Variants in ABI2 observed in about 807,000 individuals in gnomAD.
ABI2 encodes abl interactor 2, also known as abelson interactor 2.
Under a neutral mutation model 59.2 loss-of-function variants are expected in ABI2, and 25 were observed. The ratio of observed to expected loss-of-function variants is 0.42; its 90% CI spans 0.31 to 0.59. The LOEUF is 0.59. Among genes scored for constraint, ABI2 ranks in the 20% least tolerant of loss-of-function variants. ABI2 has a pLI of 0.14. For synonymous variants in ABI2, 213 were observed against 235.5 expected (o/e 0.90, Z 0.87); for missense variants, 545 against 681.8 (o/e 0.80, Z 2.23).
chr2:203,372,219 A>C (rs1452635851), intron 2 of ABI2, among the ~76,000 whole-genome samples: 1 of 152,268 alleles, frequency 6.6e-6, no homozygotes, highest in East Asian at 1.9e-4. Context: ...GACACAGCAC[A>C]TGTTTCAGAG....
At chr2:203,404,796 T>G (rs1241912761) in intron 9 of ABI2, among the ~76,000 whole-genome samples, 1 of 152,162 alleles carries the variant, frequency 6.6e-6, no homozygotes. Flanking sequence ...TGACCTCAAG[T>G]CATCCACTTG....
chr2:203,415,616 C>CAAAA (rs71007515), intron 10 of ABI2, among the ~76,000 whole-genome samples: 746 of 42,302 alleles, frequency 0.018, 33 homozygotes, highest in African/African-American at 0.036. Context: ...GACTCCGTCT[C>CAAAA]AAAAAAAAAA....
At chr2:203,336,196 T>C (rs1420135666) in intron 1 of ABI2, among the ~76,000 whole-genome samples, 2 of 152,230 alleles carry the variant, frequency 1.3e-5, no homozygotes, top group African/African-American at 4.8e-5. Context: ...GTTCATCCAT[T>C]CACCAACTGA....
intron 1 of ABI2, among the ~76,000 whole-genome samples, chr2:203,348,229 A>T (rs191111337): frequency 1.3e-5 from 2 of 152,322 alleles, no homozygotes. Flanking sequence ...GGACAGAGCG[A>T]AACTTTGTCT....
intron 5 of ABI2, among the ~76,000 whole-genome samples, chr2:203,392,094 C>G (rs564366330): frequency 1.3e-5 from 2 of 152,192 alleles, no homozygotes; most frequent in East Asian, 3.9e-4. Flanking sequence ...GTTTTTTCAT[C>G]TGTAAAAGGG....
Position 203,416,357 on chromosome 2 carries a change from G to A in ABI2, c.1280-551G>A, listed in dbSNP as rs574057531. 9.7e-4 allele frequency among the ~76,000 whole-genome samples: 147 copies of A among 152,020 alleles called. 2 individuals carry two copies. In the South Asian group the frequency reaches 0.027, roughly 28 times the overall value. ...GCCCTATGGCCCAGGCTGGAGTGGCGTGATCTCGACTCACTGCAACCTCCA... is the reference window on the plus strand; with the variant it reads ...GCCCTATGGCCCAGGCTGGAGTGGCATGATCTCGACTCACTGCAACCTCCA... On this transcript the variant is annotated intron_variant, in intron 10 of 11. Transcript: ENST00000261018.
In ABI2 at chr2:203,393,940, C is replaced by G. The variant is rs138321013; in HGVS notation, c.579-760C>G. On this transcript the variant is annotated intron_variant, in intron 5 of 11. Transcript: ENST00000261018. ...TTTCTTCCTCTTTTCATCCTCTTTACGAGGAAATTTTGGGAAAAGGCGGGA... is the reference window on the plus strand; with the variant it reads ...TTTCTTCCTCTTTTCATCCTCTTTAGGAGGAAATTTTGGGAAAAGGCGGGA... 1.2e-3 allele frequency among the ~76,000 whole-genome samples: 184 copies of G among 151,648 alleles called. 3 individuals carry two copies. Among genetic ancestry groups the G allele is most frequent in the African/African-American group, 4.3e-3 (178 of 41,538 alleles).
At chr2:203,394,626 C>T in intron 5 of ABI2, 74 bp from the exon 6 acceptor site, 2 of 1,437,010 alleles carry the variant, frequency 1.4e-6, no homozygotes, top group Non-Finnish European at 1.9e-6. Context: ...TGTATCTCAA[C>T]TGCTGGCAAC....
At chr2:203,328,712 C>T in intron 1 of ABI2, 81 bp downstream of exon 1, 2 of 915,274 alleles carry the variant, frequency 2.2e-6, no homozygotes, top group Non-Finnish European at 3.1e-6. Flanking sequence ...GCCGAGGCCG[C>T]CTCGGGGACA....
intron 7 of ABI2, 21 bp downstream of exon 7, chr2:203,395,801 C>A: frequency 6.4e-7 from 1 of 1,554,290 alleles, no homozygotes; most frequent in Non-Finnish European, 8.7e-7. Context: ...CATGGTGCCT[C>A]GTCTTCACTT....
intron 1 of ABI2, among the ~76,000 whole-genome samples, chr2:203,332,303 G>A (rs901614827): frequency 7.9e-5 from 12 of 151,862 alleles, no homozygotes; most frequent in African/African-American, 2.9e-4. Flanking sequence ...TGAGATACAT[G>A]TAAGACCTGC....
At chr2:203,393,673 A>G (rs1331572041) in intron 5 of ABI2, among the ~76,000 whole-genome samples, 1 of 152,236 alleles carries the variant, frequency 6.6e-6, no homozygotes, top group Non-Finnish European at 1.5e-5. Context: ...GGAAAGCAAT[A>G]GTTAAAGGAA....
chr2:203,394,556 A>G (rs1258503682), intron 5 of ABI2, 144 bp from the exon 6 acceptor site: 3 of 744,754 alleles, frequency 4.0e-6, no homozygotes, highest in Non-Finnish European at 6.5e-6. Context: ...ATACATTAGT[A>G]AAGACTGAAA....
chr2:203,407,622 T>C (rs1026404769), intron 9 of ABI2, among the ~76,000 whole-genome samples: 3 of 152,232 alleles, frequency 2.0e-5, no homozygotes, highest in Admixed American at 6.5e-5. Flanking sequence ...TTTGGATTGC[T>C]TGGAAAGCCT....
chr2:203,345,709 C>T (rs1208504641), intron 1 of ABI2, among the ~76,000 whole-genome samples: 2 of 150,964 alleles, frequency 1.3e-5, no homozygotes, highest in African/African-American at 4.9e-5. Context: ...ACGCCCAGCC[C>T]TAATTTTTGT....
chr2:203,336,455 G>A (rs368098891), intron 1 of ABI2, among the ~76,000 whole-genome samples: 1 of 152,170 alleles, frequency 6.6e-6, no homozygotes, highest in Non-Finnish European at 1.5e-5. Flanking sequence ...GGAAGTTTGC[G>A]AGGACCTTAT....
intron 2 of ABI2, among the ~76,000 whole-genome samples, chr2:203,377,129 G>A (rs547593712): frequency 6.6e-6 from 1 of 152,182 alleles, no homozygotes; most frequent in African/African-American, 2.4e-5. Flanking sequence ...ACCATCCTGG[G>A]CAACACAGTG....
chr2:203,339,567 C>T (rs186985842), intron 1 of ABI2, among the ~76,000 whole-genome samples: 1 of 121,620 alleles, frequency 8.2e-6, no homozygotes, highest in Admixed American at 9.9e-5. Flanking sequence ...GGCAACAGAG[C>T]AAGACTCCGT....
chr2:203,368,554 A>T (rs988893441), intron 2 of ABI2, among the ~76,000 whole-genome samples: 1 of 152,168 alleles, frequency 6.6e-6, no homozygotes, highest in Non-Finnish European at 1.5e-5. Context: ...ATAAAATCAG[A>T]TATGGTATTT....
Sources: gnomAD v4.1 joint callset for allele counts (sites outside exome capture counted in the v4.1 genomes callset) on GRCh38, gnomAD v4.1.1 for gene constraint, MANE v1.5 for transcripts, NCBI Gene and HGNC (gene_info 2026-07-23, HGNC 2026-07-21) for gene names.